The following PCCA variants were observed in gnomAD, a reference collection of about 807,000 sequenced individuals.
The protein encoded by PCCA is propionyl-CoA carboxylase subunit alpha, also known as propionyl-CoA carboxylase alpha chain, mitochondrial.
PCCA carries 74 observed loss-of-function variants against 101.3 expected under a neutral mutation model. The ratio of observed to expected loss-of-function variants is 0.73; its 90% CI spans 0.61 to 0.89. The LOEUF is 0.89. PCCA is among the 40% of genes least tolerant of loss of function. The pLI is 0.00. For missense variants in PCCA, 891 were observed against 907.0 expected, an observed-to-expected ratio of 0.98 and a Z score of 0.23; for synonymous variants, 294 against 313.6, an observed-to-expected ratio of 0.94 and a Z score of 0.66.
chr13:100,317,054 GT>G (rs1431786219), intron 16 of PCCA, among the ~76,000 whole-genome samples: 1 of 152,080 alleles, frequency 6.6e-6, no homozygotes, highest in Non-Finnish European at 1.5e-5. Flanking sequence ...TACTATTTCT[GT>G]TTAACCAGGG....
At chr13:100,359,188 G>C (rs989806724) in intron 18 of PCCA, among the ~76,000 whole-genome samples, 6 of 151,652 alleles carry the variant, frequency 4.0e-5, no homozygotes, top group African/African-American at 1.2e-4. Flanking sequence ...TAAGTTATCA[G>C]GAAGCATGTA....
intron 6 of PCCA, among the ~76,000 whole-genome samples, chr13:100,197,978 C>A (rs1174514306): frequency 3.9e-5 from 6 of 152,174 alleles, no homozygotes; most frequent in African/African-American, 1.4e-4. Context: ...GAAACCAAAA[C>A]TATTTACATT....
At chr13:100,137,840 C>T (rs2051371218) in intron 4 of PCCA, among the ~76,000 whole-genome samples, 2 of 147,944 alleles carry the variant, frequency 1.4e-5, no homozygotes, top group African/African-American at 2.5e-5. Context: ...GACAGGGTCT[C>T]ACTCTGTCAT....
At chr13:100,372,381 A>ACAAAG (rs71114692) in intron 19 of PCCA, among the ~76,000 whole-genome samples, 1 of 151,028 alleles carries the variant, frequency 6.6e-6, no homozygotes, top group Non-Finnish European at 1.5e-5. Flanking sequence ...ACAAAACAAA[A>ACAAAG]AAACCAGTAG....
intron 16 of PCCA, among the ~76,000 whole-genome samples, chr13:100,322,766 G>C (rs1006983128): frequency 6.6e-6 from 1 of 152,066 alleles, no homozygotes; most frequent in African/African-American, 2.4e-5. Flanking sequence ...TGTAGAGACA[G>C]GGTCTTGCTA....
intron 21 of PCCA, among the ~76,000 whole-genome samples, chr13:100,449,917 A>G (rs1245424315): frequency 6.6e-6 from 1 of 152,208 alleles, no homozygotes; most frequent in Non-Finnish European, 1.5e-5. Flanking sequence ...TCCCTTTAGA[A>G]CACCACCCAT....
At chr13:100,161,088 T>C (rs2054419836) in intron 6 of PCCA, 1 of 152,234 alleles carries the variant, frequency 6.6e-6, no homozygotes, top group African/African-American at 2.4e-5. Context: ...GCGATTGTGC[T>C]CTTTTATCTT....
At chr13:100,495,313 C>G (rs546441898) in intron 21 of PCCA, among the ~76,000 whole-genome samples, 34 of 152,250 alleles carry the variant, frequency 2.2e-4, no homozygotes, top group African/African-American at 7.2e-4. Flanking sequence ...CTCGTAGCCC[C>G]TATAGCTAGT....
chr13:100,466,735 G>A (rs1211522261), intron 21 of PCCA, among the ~76,000 whole-genome samples: 1 of 152,192 alleles, frequency 6.6e-6, no homozygotes, highest in Admixed American at 6.5e-5. Context: ...GTTTGTGCCT[G>A]TAGTTCCAGC....
At chr13:100,234,782 C>G (rs1417701563) in intron 7 of PCCA, among the ~76,000 whole-genome samples, 1 of 151,898 alleles carries the variant, frequency 6.6e-6, no homozygotes, top group Non-Finnish European at 1.5e-5. Flanking sequence ...CTGGGCTTCA[C>G]TTCAGCATTT....
intron 21 of PCCA, among the ~76,000 whole-genome samples, chr13:100,492,809 C>T (rs1031383248): frequency 3.3e-5 from 5 of 151,370 alleles, no homozygotes; most frequent in Non-Finnish European, 7.4e-5. Flanking sequence ...GAGAGGAGTT[C>T]GGCTGGGGAA....
chr13:100,221,772 C>T (rs1262961904), intron 7 of PCCA, among the ~76,000 whole-genome samples: 18 of 102,496 alleles, frequency 1.8e-4, no homozygotes, highest in African/African-American at 2.7e-4. Context: ...TTTTTTGAGA[C>T]GGAGTCTCAC....
Position 100,524,374 on chromosome 13 carries a change from C to CGTGTGTGTGTGTGTGTGTGTGT in PCCA, c.2041-3284_2041-3263dup, listed in dbSNP as rs1210676697. Reference sequence around the variant, plus strand: ...AAACATGTTGAAATTCAATTAAGCTCGTGTGTGTGTGTGTGTGTGTGTGTG... The same window carrying CGTGTGTGTGTGTGTGTGTGTGT: ...AAACATGTTGAAATTCAATTAAGCTCGTGTGTGTGTGTGTGTGTGTGTGTGTGTGTGTGTGTGTGTGTGTGTG... On this transcript the variant is annotated intron_variant, in intron 22 of 23. Transcript: ENST00000376285. 3.2e-3 allele frequency among the ~76,000 whole-genome samples: 452 copies of CGTGTGTGTGTGTGTGTGTGTGT among 139,150 alleles called. 4 individuals are homozygous for CGTGTGTGTGTGTGTGTGTGTGT. Among genetic ancestry groups the CGTGTGTGTGTGTGTGTGTGTGT allele is most frequent in the South Asian group, 0.012 (44 of 3,822 alleles). 91.3% of individuals were successfully genotyped at this position (139,150 alleles called of 152,430 possible).
chr13:100,477,166 GT>G (rs139545148), intron 21 of PCCA, among the ~76,000 whole-genome samples: 131 of 152,292 alleles, frequency 8.6e-4, no homozygotes, highest in African/African-American at 3.1e-3. Flanking sequence ...CAGTTTCTGG[GT>G]CTGTAAAATG....
chr13:100,174,288 T>C (rs534727860), intron 6 of PCCA, among the ~76,000 whole-genome samples: 7 of 151,922 alleles, frequency 4.6e-5, no homozygotes, highest in Non-Finnish European at 8.8e-5. Context: ...TACGAAGCCC[T>C]GAGGGTTCTA....
At chr13:100,235,135 A>T (rs1203021432) in intron 7 of PCCA, among the ~76,000 whole-genome samples, 1 of 152,128 alleles carries the variant, frequency 6.6e-6, no homozygotes, top group Non-Finnish European at 1.5e-5. Context: ...TAAATGGATA[A>T]ACTTTTACCC....
At chr13:100,314,047 A>G (rs1356461231) in intron 16 of PCCA, among the ~76,000 whole-genome samples, 1 of 151,910 alleles carries the variant, frequency 6.6e-6, no homozygotes, top group Non-Finnish European at 1.5e-5. Flanking sequence ...AATTTTCAGG[A>G]GAGTCCACGG....
chr13:100,387,210 AT>A (rs2076559120), intron 19 of PCCA, among the ~76,000 whole-genome samples: 1 of 152,224 alleles, frequency 6.6e-6, no homozygotes, highest in African/African-American at 2.4e-5. Context: ...TCTAATCTGA[AT>A]TAAGAAATTG....
chr13:100,227,103 C>T (rs1445167242), intron 7 of PCCA, among the ~76,000 whole-genome samples: 2 of 151,996 alleles, frequency 1.3e-5, no homozygotes, highest in East Asian at 3.8e-4. Context: ...TCCTGAGTAG[C>T]TGGGATTGCA....
Sources: gnomAD v4.1 joint callset for allele counts (sites outside exome capture counted in the v4.1 genomes callset) on GRCh38, gnomAD v4.1.1 for gene constraint, MANE v1.5 for transcripts, NCBI Gene and HGNC (gene_info 2026-07-23, HGNC 2026-07-21) for gene names.